Variants in TERB2 observed in about 807,000 individuals in gnomAD.
TERB2 encodes telomere repeats-binding bouquet formation protein 2.
TERB2 carries 26 observed loss-of-function variants against 29.8 expected under a neutral mutation model. The ratio of observed to expected loss-of-function variants is 0.87; its 90% CI spans 0.64 to 1.21. The LOEUF (loss-of-function observed/expected upper bound fraction) is 1.21, where lower values mean the gene tolerates loss of function less well. TERB2 is among the 50% of genes most tolerant of loss of function. The probability of loss-of-function intolerance (pLI) is 0.00; values close to 1 mark genes in which losing one functional copy is unlikely to be tolerated. For synonymous variants in TERB2, 80 were observed against 90.8 expected (o/e 0.88, Z 0.68); for missense variants, 240 against 268.6 (o/e 0.89, Z 0.74).
At chr15:44,961,702 T>C (rs911981380) in intron 4 of TERB2, 118 bp downstream of exon 4, 21 of 641,234 alleles carry the variant, frequency 3.3e-5, no homozygotes, top group Admixed American at 1.1e-4. Flanking sequence ...GATTAAGAGA[T>C]TGATTTATTT....
At chr15:44,961,982 G>C (rs1891811843) in intron 4 of TERB2, among the ~76,000 whole-genome samples, 1 of 152,164 alleles carries the variant, frequency 6.6e-6, no homozygotes, top group African/African-American at 2.4e-5. Context: ...TTACAGGCGT[G>C]AGCCACTGTG....
intron 4 of TERB2, among the ~76,000 whole-genome samples, chr15:44,964,574 T>C (rs11637721): frequency 0.017 from 2,518 of 152,254 alleles, 21 homozygotes; most frequent in Middle Eastern, 0.031. Flanking sequence ...TTAGTACACA[T>C]TGGCAAAGTG....
rs576343886 is a variant in TERB2, at chr15:44,966,583, G to A, written c.434+340G>A. Among the ~76,000 whole-genome samples, 12 of 152,144 alleles carry A rather than the reference G, an allele frequency of 7.9e-5. No individual in the cohort carries two copies. In the South Asian group the frequency reaches 2.5e-3, roughly 32 times the overall value. ...ACTGTCTCTGCAGAAAGGAGACAAG[G>A]ATTTTATGTATGTTATGATAGCAGT... On this transcript the variant is annotated intron_variant, in intron 5 of 6. Transcript: ENST00000340827.
intron 4 of TERB2, among the ~76,000 whole-genome samples, chr15:44,962,285 C>T (rs1366516796): frequency 2.0e-5 from 3 of 150,488 alleles, no homozygotes; most frequent in Non-Finnish European, 3.0e-5. Flanking sequence ...GGGTTCACGC[C>T]ATTCTCCTGC....
rs1214938138 is a variant in TERB2, at chr15:44,973,854, CTTTA to C, written c.435-9_435-6del. 8.3e-6 allele frequency: 13 copies of C among 1,563,322 alleles called. No individual in the cohort carries two copies. The highest frequency in any genetic ancestry group is 1.4e-5 in the African/African-American group (1 of 73,410). On this transcript the variant is annotated splice_polypyrimidine_tract_variant and intron_variant, in intron 5 of 6. Coordinates refer to ENST00000340827, the MANE Select transcript of TERB2 (RefSeq NM_152448.3). ...CTATGTATGTGTGACTTTCTGTATGCTTTATTTTACAGCCCAGAAAAGCATTTTA... is the reference window on the plus strand; with the variant it reads ...CTATGTATGTGTGACTTTCTGTATGCTTTTACAGCCCAGAAAAGCATTTTA...
intron 5 of TERB2, among the ~76,000 whole-genome samples, chr15:44,968,857 A>T (rs1299048267): frequency 2.6e-5 from 4 of 152,226 alleles, no homozygotes; most frequent in East Asian, 1.9e-4. Context: ...CATGTAAATT[A>T]TCGGATGTGG....
At chr15:44,974,624 ACTG>A (rs558442513) in intron 6 of TERB2, among the ~76,000 whole-genome samples, 4 of 152,188 alleles carry the variant, frequency 2.6e-5, no homozygotes, top group Non-Finnish European at 5.9e-5. Flanking sequence ...TGGGATTTCA[ACTG>A]TGTTGAGTGA....
At chr15:44,973,409 C>T (rs1369560237) in intron 5 of TERB2, 1 of 152,120 alleles carries the variant, frequency 6.6e-6, no homozygotes, top group Non-Finnish European at 1.5e-5. Context: ...ACTCTATAGA[C>T]TCAAATACTT....
chr15:44,973,864 C>T lies in TERB2; in HGVS notation c.435-3C>T, dbSNP rs1315961689. 10 of 1,574,682 alleles carry T rather than the reference C, an allele frequency of 6.4e-6. No homozygotes were observed. In the East Asian group the frequency reaches 6.9e-5, roughly 11 times the overall value. On this transcript the variant is annotated splice_polypyrimidine_tract_variant and splice_region_variant and intron_variant, in intron 5 of 6. Transcript: ENST00000340827. ...GTGACTTTCTGTATGCTTTATTTTACAGCCCAGAAAAGCATTTTATAAGAA... is the reference window on the plus strand; with the variant it reads ...GTGACTTTCTGTATGCTTTATTTTATAGCCCAGAAAAGCATTTTATAAGAA...
intron 4 of TERB2, among the ~76,000 whole-genome samples, chr15:44,964,698 A>G (rs538397170): frequency 8.2e-4 from 125 of 152,294 alleles, no homozygotes; most frequent in Middle Eastern, 3.4e-3. Flanking sequence ...TGATAAAAGA[A>G]TTTGTCAATT....
At chr15:44,958,735 T>C (rs1891759993) in intron 3 of TERB2, among the ~76,000 whole-genome samples, 1 of 152,266 alleles carries the variant, frequency 6.6e-6, no homozygotes, top group Non-Finnish European at 1.5e-5. Flanking sequence ...CATTGAGCTC[T>C]TCCTGTGTGC....
chr15:44,977,098 A>AACACACACACACACACACACACACAC lies in TERB2; in HGVS notation c.524-1373_524-1372insACACACACACACACACACACACACAC, dbSNP rs373706136. Among the ~76,000 whole-genome samples, 660 of 148,812 alleles carry AACACACACACACACACACACACACAC rather than the reference A, an allele frequency of 4.4e-3. 2 individuals are homozygous for AACACACACACACACACACACACACAC. The highest frequency in any genetic ancestry group is 7.6e-3 in the Non-Finnish European group (511 of 67,172). ...GGGCAACAAAATAAGACCCTGTCAA[A>AACACACACACACACACACACACACAC]ACACACACACACACACACCCCAGAA... On this transcript the variant is annotated intron_variant, in intron 6 of 6. Coordinates refer to ENST00000340827, the MANE Select transcript of TERB2 (RefSeq NM_152448.3).
chr15:44,958,412 A>C lies in TERB2; in HGVS notation c.186A>C (p.Thr62=). The part of the protein sequence containing the change: ...QSLDYIEDNA[T]VFHAYYLSAV... ...TTGATTACATAGAAGATAATGCTAC[A>C]GTTTTTCATGCCTACTATCTCTCTG... The change falls in exon 3 of 7, where the codon ACA becomes ACC. Residue 62 remains threonine (T), a synonymous_variant. Coordinates refer to ENST00000340827, the MANE Select transcript of TERB2 (RefSeq NM_152448.3). 7.4e-6 allele frequency: 12 copies of C among 1,614,024 alleles called. No homozygotes were observed. Among genetic ancestry groups the C allele is most frequent in the Non-Finnish European group, 1.0e-5 (12 of 1,180,000 alleles).
intron 3 of TERB2, among the ~76,000 whole-genome samples, chr15:44,961,147 G>A (rs1436806851): frequency 2.8e-5 from 4 of 145,358 alleles, no homozygotes; most frequent in Non-Finnish European, 6.0e-5. Flanking sequence ...TAATATATAT[G>A]TAGATACAAA....
chr15:44,962,363 G>A (rs913344533), intron 4 of TERB2, among the ~76,000 whole-genome samples: 6 of 126,936 alleles, frequency 4.7e-5, no homozygotes, highest in African/African-American at 1.8e-4. Flanking sequence ...TTTTTTTTTT[G>A]TATTTTTAGT....
At chr15:44,970,262 T>C (rs895477824) in intron 5 of TERB2, 1 of 231,650 alleles carries the variant, frequency 4.3e-6, no homozygotes, top group Non-Finnish European at 9.2e-6. Flanking sequence ...CTTTCTCTGA[T>C]AAAACCTTTA....
chr15:44,962,070 A>G (rs1222915657), intron 4 of TERB2, among the ~76,000 whole-genome samples: 1 of 152,186 alleles, frequency 6.6e-6, no homozygotes, highest in Admixed American at 6.5e-5. Flanking sequence ...ATAGTAGTGC[A>G]TTAGTAAAAT....
chr15:44,967,116 T>C lies in TERB2; in HGVS notation c.434+873T>C, dbSNP rs540161041. Among the ~76,000 whole-genome samples the C allele has an allele frequency of 3.3e-5, 5 of 152,222 alleles. No homozygotes were observed. The South Asian group carries it at 1.0e-3, about 32-fold the overall frequency. On this transcript the variant is annotated intron_variant, in intron 5 of 6. Coordinates refer to ENST00000340827, the MANE Select transcript of TERB2 (RefSeq NM_152448.3). ...TCTGTCTCAAAGAAAAACAAGAAATTAATTTAAAAAGACAAACAAACATGG... is the reference window on the plus strand; with the variant it reads ...TCTGTCTCAAAGAAAAACAAGAAATCAATTTAAAAAGACAAACAAACATGG...
At chr15:44,974,541 A>C (rs941126908) in intron 6 of TERB2, among the ~76,000 whole-genome samples, 4 of 152,192 alleles carry the variant, frequency 2.6e-5, no homozygotes, top group Non-Finnish European at 4.4e-5. Flanking sequence ...AGTGCTGTAC[A>C]TAAAGAGAAG....
Sources: allele counts gnomAD v4.1 joint callset (sites outside exome capture counted in the v4.1 genomes callset), GRCh38; gene constraint gnomAD v4.1.1; transcripts MANE v1.5; gene names NCBI Gene and HGNC (gene_info 2026-07-23, HGNC 2026-07-21).